Variants in CDT1 observed in about 807,000 individuals in gnomAD.
The protein encoded by CDT1 is chromatin licensing and DNA replication factor 1, also known as DNA replication factor Cdt1.
Under a neutral mutation model 49.3 loss-of-function variants are expected in CDT1, and 66 were observed. The observed-to-expected ratio is 1.34, with a 90% CI of 1.10 to 1.64. The LOEUF is 1.64. CDT1 is among the 40% of genes most tolerant of loss of function. The pLI, the probability that CDT1 is intolerant of heterozygous loss-of-function variation, is 0.00. For synonymous variants in CDT1, 424 were observed against 347.4 expected (o/e 1.22, Z -2.45); for missense variants, 958 against 807.7 (o/e 1.19, Z -2.26).
intron 7 of CDT1, 30 bp from the exon 8 acceptor site, chr16:88,807,021 C>T (rs760293635): frequency 1.1e-5 from 18 of 1,612,592 alleles, no homozygotes; most frequent in East Asian, 2.2e-5. Context: ...CATCTTGTGA[C>T]CTCTCCAGTC....
At position 88,804,842 on chromosome 16, in the gene CDT1, C is replaced by G. The variant is rs759429997; in HGVS notation, c.432C>G (p.Ala144=). The G allele has an allele frequency of 1.1e-5, 18 of 1,611,424 alleles. No homozygotes were observed. In the East Asian group the frequency reaches 3.8e-4, roughly 34 times the overall value. The change falls in exon 3 of 10, where the codon GCC becomes GCG. Residue 144 remains alanine, a synonymous_variant. Transcript: ENST00000301019. The stretch of plus-strand genomic sequence containing the variant: ...GAGTCCGGGCGCTGAAGGCCAGTGC[C>G]CAGGATGCTGGGGAGTCCTGCACCC... The part of the protein sequence containing the change: ...GARVRALKAS[A]QDAGESCTPE...
intron 7 of CDT1, 151 bp downstream of exon 7, chr16:88,806,825 CCT>C: frequency 1.6e-6 from 2 of 1,222,488 alleles, no homozygotes; most frequent in Non-Finnish European, 2.3e-6. Context: ...TGGCATTTGC[CCT>C]CTGTCCCCAG....
At chr16:88,807,695 C>T (rs1311081248) in intron 9 of CDT1, among the ~76,000 whole-genome samples, 1 of 152,218 alleles carries the variant, frequency 6.6e-6, no homozygotes, top group Non-Finnish European at 1.5e-5. Flanking sequence ...CCTGCAGCCT[C>T]TGGAGGCAGC....
chr16:88,808,404 C>G lies in CDT1; in HGVS notation c.*126C>G. On this transcript the variant is annotated 3_prime_UTR_variant, in exon 10 of 10. Coordinates refer to ENST00000301019, the MANE Select transcript of CDT1 (RefSeq NM_030928.4). The stretch of plus-strand genomic sequence containing the variant: ...CCCCAGCGCCCCTGAGGGCCAGAGG[C>G]AGATGTGGGCTGCAGGCTGCACAGC... 8.8e-7 allele frequency: 1 copy of G among 1,139,660 alleles called. No individual in the cohort carries two copies. The highest frequency in any genetic ancestry group is 2.2e-5 in the Admixed American group (1 of 45,038). 70.6% of individuals were successfully genotyped at this position (1,139,660 alleles called of 1,614,324 possible).
At chr16:88,804,430 C>G (rs1202831467) in intron 1 of CDT1, 115 bp from the exon 2 acceptor site, 39 of 1,373,832 alleles carry the variant, frequency 2.8e-5, no homozygotes, top group Non-Finnish European at 1.0e-6. Flanking sequence ...TCCTAAGCCC[C>G]CCAGCCATGC....
Position 88,804,858 on chromosome 16 carries a change from T to A in CDT1, c.448T>A (p.Ser150Thr). The A allele has an allele frequency of 6.2e-7, 1 of 1,608,048 alleles. No homozygotes were observed. Among genetic ancestry groups the A allele is most frequent in the South Asian group, 1.1e-5 (1 of 90,594 alleles). ...LKASAQDAGE[S>T]CTPEAEGRPE... ...GGCCAGTGCCCAGGATGCTGGGGAG[T>A]CCTGCACCCCAGAGGCCGAGGGCCG... The change falls in exon 3 of 10, where the codon TCC becomes ACC. Residue 150 changes from serine to threonine, a missense_variant. Ser to Thr is a moderately conservative substitution (Grantham distance 58). Coordinates refer to ENST00000301019, the MANE Select transcript of CDT1 (RefSeq NM_030928.4).
chr16:88,804,658 G>A lies in CDT1; in HGVS notation c.342G>A (p.Ala114=). 1 of 1,612,412 alleles carries A rather than the reference G, an allele frequency of 6.2e-7. No homozygotes were observed. Among genetic ancestry groups the A allele is most frequent in the Non-Finnish European group, 8.5e-7 (1 of 1,179,752 alleles). The change falls in exon 2 of 10, where the codon GCG becomes GCA. Residue 114 remains alanine, a synonymous_variant. Coordinates refer to ENST00000301019, the MANE Select transcript of CDT1 (RefSeq NM_030928.4). The part of the protein sequence containing the change: ...AAGQPPHLTS[A]QDQDTISELA... Reference sequence around the variant, plus strand: ...GTCAGCCGCCCCACCTGACATCCGCGCAGGACCAGGTGAGGGGCGGGGCCT... The same window carrying A: ...GTCAGCCGCCCCACCTGACATCCGCACAGGACCAGGTGAGGGGCGGGGCCT...
At position 88,808,713 on chromosome 16, in the gene CDT1, T is replaced by C. The variant is rs1305569448; in HGVS notation, c.*435T>C. ...GGTGACTTTTGTCATTAAGAAAGAC[T>C]GGGGTGGGTGTGGTGGCTCACGCCT... On this transcript the variant is annotated 3_prime_UTR_variant, in exon 10 of 10. Coordinates refer to ENST00000301019, the MANE Select transcript of CDT1 (RefSeq NM_030928.4). The C allele has an allele frequency of 4.9e-6, 1 of 202,676 alleles. No homozygotes were observed. The highest frequency in any genetic ancestry group is 2.1e-3 in the Middle Eastern group (1 of 472). 12.6% of individuals were successfully genotyped at this position (202,676 alleles called of 1,614,324 possible).
chr16:88,804,520 T>G, intron 1 of CDT1, 25 bp from the exon 2 acceptor site: 1 of 1,608,734 alleles, frequency 6.2e-7, no homozygotes, highest in Non-Finnish European at 8.5e-7. Flanking sequence ...TGTCATGAGT[T>G]CACCCTTGGG....
chr16:88,804,052 T>C lies in CDT1; in HGVS notation c.221T>C (p.Val74Ala), dbSNP rs754918560. The change falls in exon 1 of 10, where the codon GTG becomes GCG. Residue 74 changes from valine (V) to alanine (A), a missense_variant. Val to Ala is a moderately conservative substitution (Grantham distance 64). Coordinates refer to ENST00000301019, the MANE Select transcript of CDT1 (RefSeq NM_030928.4). The part of the protein sequence containing the change: ...PPARRRLRLS[V>A]DEVSSPSTPE... Reference sequence around the variant, plus strand: ...GCCCGCAGGAGACTGCGGCTGTCGGTGGACGAGGTGAGGGGCGTGGGGAGA... The same window carrying C: ...GCCCGCAGGAGACTGCGGCTGTCGGCGGACGAGGTGAGGGGCGTGGGGAGA... 3 of 1,443,130 alleles carry C rather than the reference T, an allele frequency of 2.1e-6. No individual in the cohort carries two copies. The South Asian group carries it at 4.1e-5, about 20-fold the overall frequency. The allele number at this position is 1,443,130 out of a possible 1,614,324, so 89.4% of individuals were successfully genotyped here. A position where few individuals can be genotyped will look rare whatever the true frequency, so the allele number is the denominator to read the frequency against.
At position 88,804,842 on chromosome 16, in the gene CDT1, C is replaced by T. The variant is rs759429997; in HGVS notation, c.432C>T (p.Ala144=). 6.2e-7 allele frequency: 1 copy of T among 1,611,542 alleles called. No homozygotes were observed. The highest frequency in any genetic ancestry group is 8.5e-7 in the Non-Finnish European group (1 of 1,179,504). ...GARVRALKAS[A]QDAGESCTPE... ...GAGTCCGGGCGCTGAAGGCCAGTGC[C>T]CAGGATGCTGGGGAGTCCTGCACCC... Residue 144 remains alanine (A), a synonymous_variant, in exon 3 of 10, where the codon GCC becomes GCT. Coordinates refer to ENST00000301019, the MANE Select transcript of CDT1 (RefSeq NM_030928.4).
At position 88,804,673 on chromosome 16, in the gene CDT1, G is replaced by A; in HGVS notation, c.351+6G>A. 1 of 1,612,498 alleles carries A rather than the reference G, an allele frequency of 6.2e-7. No individual in the cohort carries two copies. The highest frequency in any genetic ancestry group is 8.5e-7 in the Non-Finnish European group (1 of 1,179,806). Reference sequence around the variant, plus strand: ...TGACATCCGCGCAGGACCAGGTGAGGGGCGGGGCCTGGGGCAGATGCGGGA... The same window carrying A: ...TGACATCCGCGCAGGACCAGGTGAGAGGCGGGGCCTGGGGCAGATGCGGGA... On this transcript the variant is annotated splice_donor_region_variant and intron_variant, in intron 2 of 9. Coordinates refer to ENST00000301019, the MANE Select transcript of CDT1 (RefSeq NM_030928.4).
In CDT1 at chr16:88,805,489, G is replaced by A. The variant is rs778663120; in HGVS notation, c.538G>A (p.Gly180Ser). Residue 180 changes from glycine (G) to serine (S), a missense_variant, in exon 4 of 10, where the codon GGC (glycine) becomes AGC (serine). Gly to Ser is a moderately conservative substitution (Grantham distance 56, BLOSUM62 0). Coordinates refer to ENST00000301019, the MANE Select transcript of CDT1 (RefSeq NM_030928.4). ...YQRFHALAQP[G>S]LPGLVLPYKY... The stretch of plus-strand genomic sequence containing the variant: ...GCGCTTCCATGCCCTGGCCCAGCCC[G>A]GCCTGCCGGGACTCGTGCTGCCCTA... 4.8e-5 allele frequency: 77 copies of A among 1,612,736 alleles called. No individual in the cohort carries two copies. The highest frequency in any genetic ancestry group is 1.0e-4 in the Admixed American group (6 of 60,014).
Position 88,807,211 on chromosome 16 carries a change from G to T in CDT1, c.1275+8G>T. The T allele has an allele frequency of 6.2e-7, 1 of 1,612,180 alleles. No homozygotes were observed. The highest frequency in any genetic ancestry group is 1.1e-5 in the South Asian group (1 of 91,038). On this transcript the variant is annotated splice_region_variant and intron_variant, in intron 8 of 9. Coordinates refer to ENST00000301019, the MANE Select transcript of CDT1 (RefSeq NM_030928.4). ...CAGGATCTGCTGGAGCGGGTGAGTC[G>T]TCCCCAGTGATGGCGGGTGGGCGCC...
At chr16:88,806,967 G>C in intron 7 of CDT1, 84 bp from the exon 8 acceptor site, 2 of 1,554,592 alleles carry the variant, frequency 1.3e-6, no homozygotes, top group African/African-American at 1.4e-5. Flanking sequence ...CTTGTGCCTT[G>C]AGAGATACCG....
At chr16:88,804,408 A>G (rs530067560) in intron 1 of CDT1, 137 bp from the exon 2 acceptor site, 28 of 1,143,172 alleles carry the variant, frequency 2.4e-5, no homozygotes, top group African/African-American at 3.1e-5. Flanking sequence ...ACAGACCACC[A>G]TCTACGGGAA....
At chr16:88,804,426 G>A in intron 1 of CDT1, 119 bp from the exon 2 acceptor site, 1 of 1,317,318 alleles carries the variant, frequency 7.6e-7, no homozygotes, top group South Asian at 1.4e-5. Context: ...GAAGTCCTAA[G>A]CCCCCCAGCC....
rs1013067766 is a variant in CDT1, at chr16:88,807,886, C to T, written c.1478-229C>T. Reference sequence around the variant, plus strand: ...TTCATGGGCTGGCGGCCTCCATGCTCGGTGCCTCCTCACAGGGCCTCAACT... The same window carrying T: ...TTCATGGGCTGGCGGCCTCCATGCTTGGTGCCTCCTCACAGGGCCTCAACT... On this transcript the variant is annotated intron_variant, in intron 9 of 9. Transcript: ENST00000301019. Among the ~76,000 whole-genome samples, 5 of 152,218 alleles carry T rather than the reference C, an allele frequency of 3.3e-5. No homozygotes were observed. The East Asian group carries it at 7.7e-4, about 23-fold the overall frequency.
Position 88,805,029 on chromosome 16 carries a change from G to C in CDT1, c.488+131G>C, listed in dbSNP as rs897523339. The C allele has an allele frequency of 5.6e-6, 7 of 1,260,684 alleles. No individual in the cohort carries two copies. The Admixed American group carries it at 1.6e-4, about 29-fold the overall frequency. The allele number at this position is 1,260,684 out of a possible 1,614,324, so 78.1% of individuals were successfully genotyped here. ...GTGGTGGTGAGGTCACCAGGGCGCG[G>C]ACCCAGACCCCTGAGAAAAAGGTCC... On this transcript the variant is annotated intron_variant, in intron 3 of 9. Coordinates refer to ENST00000301019, the MANE Select transcript of CDT1 (RefSeq NM_030928.4).
Sources: allele counts gnomAD v4.1 joint callset (sites outside exome capture counted in the v4.1 genomes callset), GRCh38; gene constraint gnomAD v4.1.1; transcripts MANE v1.5; gene names NCBI Gene and HGNC (gene_info 2026-07-23, HGNC 2026-07-21).